Variants in PLCB1 observed in about 807,000 individuals in gnomAD.
PLCB1 encodes the protein 1-phosphatidylinositol 4,5-bisphosphate phosphodiesterase beta-1.
PLCB1 carries 46 observed loss-of-function variants against 161.8 expected under a neutral mutation model. The ratio of observed to expected loss-of-function variants is 0.28; its 90% CI spans 0.22 to 0.36. PLCB1 has a LOEUF of 0.36. Ranked by LOEUF, PLCB1 falls within the 10% of genes least tolerant of loss-of-function variation. The pLI is 1.00. For synonymous variants in PLCB1, 517 were observed against 503.7 expected, an observed-to-expected ratio of 1.03 and a Z score of -0.35; for missense variants, 1,016 against 1,472.5, an observed-to-expected ratio of 0.69 and a Z score of 5.07.
intron 3 of PLCB1, among the ~76,000 whole-genome samples, chr20:8,607,652 C>T (rs1282101039): frequency 3.3e-5 from 5 of 152,098 alleles, no homozygotes; most frequent in African/African-American, 1.2e-4. Context: ...TTACCTTACC[C>T]CATTTTATTT....
intron 19 of PLCB1, among the ~76,000 whole-genome samples, chr20:8,733,774 A>C (rs909797495): frequency 2.9e-5 from 4 of 135,708 alleles, no homozygotes; most frequent in Non-Finnish European, 6.2e-5. Context: ...ATGTACCCTA[A>C]AACTTAAAGT....
At chr20:8,833,148 C>T (rs1231016934) in intron 31 of PLCB1, among the ~76,000 whole-genome samples, 1 of 152,170 alleles carries the variant, frequency 6.6e-6, no homozygotes, top group Admixed American at 6.5e-5. Context: ...TTAGTCTGTT[C>T]TCATGCTGCC....
At chr20:8,254,199 A>G (rs1039388489) in intron 2 of PLCB1, among the ~76,000 whole-genome samples, 1 of 142,544 alleles carries the variant, frequency 7.0e-6, no homozygotes, top group African/African-American at 2.5e-5. Flanking sequence ...ACTGGAGCAC[A>G]TTTTGAAGTC....
At chr20:8,344,583 C>T (rs946416967) in intron 2 of PLCB1, among the ~76,000 whole-genome samples, 5 of 152,180 alleles carry the variant, frequency 3.3e-5, no homozygotes, top group African/African-American at 1.2e-4. Context: ...TCCAGCTTCA[C>T]CTCCCAGTAC....
At chr20:8,751,095 C>T (rs899298574) in intron 23 of PLCB1, 25 of 196,692 alleles carry the variant, frequency 1.3e-4, no homozygotes, top group Non-Finnish European at 2.5e-4. Flanking sequence ...ACCACCAAGC[C>T]CGGCTAATTT....
intron 3 of PLCB1, among the ~76,000 whole-genome samples, chr20:8,481,210 A>G (rs148730148): frequency 2.0e-5 from 3 of 152,154 alleles, no homozygotes; most frequent in African/African-American, 7.2e-5. Flanking sequence ...ATTTTTTATA[A>G]TATGTCATTA....
At chr20:8,259,750 C>T (rs1325891003) in intron 2 of PLCB1, among the ~76,000 whole-genome samples, 2 of 152,096 alleles carry the variant, frequency 1.3e-5, no homozygotes, top group Non-Finnish European at 2.9e-5. Context: ...CAAAATATGC[C>T]AATTTTAAAA....
chr20:8,319,770 T>A (rs953238770), intron 2 of PLCB1, among the ~76,000 whole-genome samples: 1 of 150,792 alleles, frequency 6.6e-6, no homozygotes, highest in Non-Finnish European at 1.5e-5. Context: ...ATTCTCCTTA[T>A]TTACCACCAA....
intron 3 of PLCB1, among the ~76,000 whole-genome samples, chr20:8,627,300 A>AT (rs968788304): frequency 6.6e-6 from 1 of 152,090 alleles, no homozygotes; most frequent in African/African-American, 2.4e-5. Context: ...AACATCTACT[A>AT]TTTTTTTAAA....
At chr20:8,583,008 A>T (rs1232449047) in intron 3 of PLCB1, among the ~76,000 whole-genome samples, 1 of 151,986 alleles carries the variant, frequency 6.6e-6, no homozygotes, top group Middle Eastern at 3.2e-3. Context: ...AAAAAAGAAA[A>T]GGAAAATGAT....
intron 18 of PLCB1, chr20:8,729,578 C>CT (rs536945506): frequency 2.0e-5 from 3 of 153,294 alleles, no homozygotes; most frequent in African/African-American, 4.8e-5. Flanking sequence ...CATATAAATG[C>CT]TTTTTTTATG....
At chr20:8,357,799 A>G (rs775923658) in intron 2 of PLCB1, among the ~76,000 whole-genome samples, 3 of 152,204 alleles carry the variant, frequency 2.0e-5, no homozygotes, top group Non-Finnish European at 2.9e-5. Context: ...AATGTTTCTT[A>G]GTTCATCGCC....
intron 31 of PLCB1, among the ~76,000 whole-genome samples, chr20:8,870,906 G>A (rs559244498): frequency 6.6e-6 from 1 of 152,330 alleles, no homozygotes; most frequent in East Asian, 1.9e-4. Flanking sequence ...AAAATTGTTG[G>A]AAGACCTTTG....
intron 19 of PLCB1, among the ~76,000 whole-genome samples, chr20:8,735,826 A>T (rs547347448): frequency 9.2e-5 from 14 of 152,326 alleles, no homozygotes; most frequent in African/African-American, 3.4e-4. Flanking sequence ...CTCAAGCCAA[A>T]TAGAACATAC....
At chr20:8,347,647 T>C (rs1986039409) in intron 2 of PLCB1, among the ~76,000 whole-genome samples, 1 of 152,226 alleles carries the variant, frequency 6.6e-6, no homozygotes, top group African/African-American at 2.4e-5. Flanking sequence ...ATTGGAATTG[T>C]CAAAAAATAT....
chr20:8,499,348 C>T (rs567763616), intron 3 of PLCB1, among the ~76,000 whole-genome samples: 5 of 152,254 alleles, frequency 3.3e-5, no homozygotes, highest in East Asian at 1.9e-4. Flanking sequence ...ATTCACCTGA[C>T]GTGTTGAACA....
intron 2 of PLCB1, among the ~76,000 whole-genome samples, chr20:8,152,762 A>T (rs370994980): frequency 7.9e-5 from 12 of 152,050 alleles, no homozygotes; most frequent in African/African-American, 2.7e-4. Context: ...GCTTCTTCCA[A>T]TATATTCCCT....
intron 31 of PLCB1, among the ~76,000 whole-genome samples, chr20:8,837,197 C>T (rs372832661): frequency 3.9e-5 from 6 of 152,248 alleles, no homozygotes; most frequent in African/African-American, 9.6e-5. Context: ...AGTTGCCATG[C>T]AAGATGATGC....
intron 2 of PLCB1, among the ~76,000 whole-genome samples, chr20:8,182,114 T>C (rs2051850153): frequency 6.6e-6 from 1 of 152,218 alleles, no homozygotes; most frequent in Non-Finnish European, 1.5e-5. Context: ...ATTAGTCTCA[T>C]ATCATTCTGA....
Sources: allele counts gnomAD v4.1 joint callset (sites outside exome capture counted in the v4.1 genomes callset), GRCh38; gene constraint gnomAD v4.1.1; transcripts MANE v1.5; gene names NCBI Gene and HGNC (gene_info 2026-07-23, HGNC 2026-07-21).